CNTNAP2: variants seen among roughly 807,000 people sequenced by gnomAD.
CNTNAP2 encodes the protein contactin-associated protein-like 2.
In CNTNAP2, 98 loss-of-function variants were observed where a neutral mutation model predicts 155.2. The observed-to-expected ratio is 0.63, with a 90% CI of 0.54 to 0.75. The LOEUF is 0.75. Among genes scored for constraint, CNTNAP2 ranks in the 30% least tolerant of loss-of-function variants. CNTNAP2 has a pLI of 0.00. For missense variants in CNTNAP2, 1,727 were observed against 1,688.1 expected, an observed-to-expected ratio of 1.02 and a Z score of -0.40; for synonymous variants, 651 against 631.2, an observed-to-expected ratio of 1.03 and a Z score of -0.47.
intron 8 of CNTNAP2, among the ~76,000 whole-genome samples, chr7:147,158,746 A>G (rs535600032): frequency 6.6e-6 from 1 of 152,134 alleles, no homozygotes; most frequent in African/African-American, 2.4e-5. Flanking sequence ...TTCCCTTCCT[A>G]TATGTGCCAG....
chr7:146,444,392 A>G (rs187976128), intron 1 of CNTNAP2, among the ~76,000 whole-genome samples: 1 of 152,230 alleles, frequency 6.6e-6, no homozygotes, highest in East Asian at 1.9e-4. Flanking sequence ...TAGTGTAAAG[A>G]TTTACTAATA....
intron 9 of CNTNAP2, among the ~76,000 whole-genome samples, chr7:147,383,030 T>C (rs1001398667): frequency 1.3e-5 from 2 of 151,252 alleles, no homozygotes; most frequent in Non-Finnish European, 2.9e-5. Flanking sequence ...AAAAGCAATA[T>C]AGTTTAGGTG....
At chr7:146,454,206 T>C (rs191667924) in intron 1 of CNTNAP2, among the ~76,000 whole-genome samples, 10 of 152,350 alleles carry the variant, frequency 6.6e-5, no homozygotes, top group African/African-American at 2.4e-4. Flanking sequence ...AGATTCATTT[T>C]ATCAAATAAA....
intron 3 of CNTNAP2, among the ~76,000 whole-genome samples, chr7:146,933,465 G>T (rs1298051591): frequency 6.6e-6 from 1 of 151,168 alleles, no homozygotes; most frequent in Non-Finnish European, 1.5e-5. Flanking sequence ...TTAAATGTTA[G>T]ACCTAAAACC....
chr7:146,454,163 C>CAT (rs1402019410), intron 1 of CNTNAP2, among the ~76,000 whole-genome samples: 4 of 152,106 alleles, frequency 2.6e-5, no homozygotes, highest in African/African-American at 7.2e-5. Context: ...AACATAGTGA[C>CAT]ATACACAAAA....
chr7:146,906,839 C>T lies in CNTNAP2; in HGVS notation c.402+66935C>T, dbSNP rs1483193044. 1.5e-4 allele frequency among the ~76,000 whole-genome samples: 23 copies of T among 150,560 alleles called. No homozygotes were observed. The South Asian group carries it at 2.1e-3, about 14-fold the overall frequency. On this transcript the variant is annotated intron_variant, in intron 3 of 23. Transcript: ENST00000361727. The stretch of plus-strand genomic sequence containing the variant: ...CGAGCTGAGAGAAGAAGGCTTCAGA[C>T]GATCAAATTACTCTGAGCTACGGGA...
At chr7:146,619,040 C>T (rs1018263302) in intron 1 of CNTNAP2, among the ~76,000 whole-genome samples, 5 of 150,348 alleles carry the variant, frequency 3.3e-5, no homozygotes, top group African/African-American at 1.2e-4. Context: ...TGACATTGCA[C>T]TCCAGCCTGG....
At chr7:146,201,353 T>TC (rs34178260) in intron 1 of CNTNAP2, among the ~76,000 whole-genome samples, 48,898 of 151,936 alleles carry the variant, frequency 0.32, 9,585 homozygotes, top group African/African-American at 0.55. Context: ...GGACAAAATA[T>TC]TTAAAATACT....
chr7:147,531,300 A>G (rs1404561406), intron 11 of CNTNAP2, among the ~76,000 whole-genome samples: 6 of 151,696 alleles, frequency 4.0e-5, no homozygotes, highest in African/African-American at 1.5e-4. Flanking sequence ...CTGTGTGGGG[A>G]CTCCAACCCC....
chr7:147,712,660 C>T (rs570158232), intron 13 of CNTNAP2, among the ~76,000 whole-genome samples: 113 of 152,184 alleles, frequency 7.4e-4, no homozygotes, highest in Non-Finnish European at 1.1e-3. Context: ...AACCAAACAC[C>T]GCATGTTCTC....
At chr7:148,336,064 A>C (rs4373448) in intron 21 of CNTNAP2, among the ~76,000 whole-genome samples, 77,351 of 151,948 alleles carry the variant, frequency 0.51, 19,908 homozygotes, top group East Asian at 0.66. Flanking sequence ...TGTTTGGTTT[A>C]AGTAACTGCC....
At chr7:146,721,875 G>GTGTGTGTATGTATATATA (rs1332551916) in intron 1 of CNTNAP2, among the ~76,000 whole-genome samples, 1,225 of 76,394 alleles carry the variant, frequency 0.016, 53 homozygotes, top group East Asian at 0.057. Flanking sequence ...GTGTGTGTGT[G>GTGTGTGTATGTATATATA]TATATATATA....
At chr7:147,636,897 GA>G (rs1795190231) in intron 12 of CNTNAP2, among the ~76,000 whole-genome samples, 1 of 152,166 alleles carries the variant, frequency 6.6e-6, no homozygotes, top group Non-Finnish European at 1.5e-5. Context: ...AATAGGAAAG[GA>G]AAGGCTGGCA....
chr7:147,184,405 A>T (rs1050763323), intron 8 of CNTNAP2, among the ~76,000 whole-genome samples: 13 of 152,184 alleles, frequency 8.5e-5, no homozygotes, highest in Non-Finnish European at 1.5e-4. Flanking sequence ...CTCAAAATTG[A>T]GATGAAGTTT....
intron 13 of CNTNAP2, among the ~76,000 whole-genome samples, chr7:147,652,248 T>C (rs1284166146): frequency 1.3e-5 from 2 of 152,178 alleles, no homozygotes; most frequent in Non-Finnish European, 2.9e-5. Context: ...TATAGGACAA[T>C]GAATAATGTT....
At chr7:147,887,081 C>A (rs2116725295) in intron 13 of CNTNAP2, among the ~76,000 whole-genome samples, 1 of 152,258 alleles carries the variant, frequency 6.6e-6, no homozygotes, top group South Asian at 2.1e-4. Context: ...TCACCTTGAC[C>A]ATGCCTCTCC....
intron 1 of CNTNAP2, among the ~76,000 whole-genome samples, chr7:146,466,265 G>A (rs573450862): frequency 6.6e-6 from 1 of 152,174 alleles, no homozygotes; most frequent in African/African-American, 2.4e-5. Context: ...TGAGAGGTGA[G>A]AATTCTGACT....
chr7:147,078,699 CTCTA>C (rs1235521031), intron 4 of CNTNAP2, among the ~76,000 whole-genome samples: 3 of 151,962 alleles, frequency 2.0e-5, no homozygotes, highest in Admixed American at 6.6e-5. Context: ...AAAAAAAACT[CTCTA>C]TCTAGTCTAA....
chr7:147,757,194 G>A (rs1797224018), intron 13 of CNTNAP2, among the ~76,000 whole-genome samples: 1 of 152,210 alleles, frequency 6.6e-6, no homozygotes, highest in South Asian at 2.1e-4. Context: ...CTTTGGGACA[G>A]TCAGGCACCA....
Sources: gnomAD v4.1 joint callset for allele counts (sites outside exome capture counted in the v4.1 genomes callset) on GRCh38, gnomAD v4.1.1 for gene constraint, MANE v1.5 for transcripts, NCBI Gene and HGNC (gene_info 2026-07-23, HGNC 2026-07-21) for gene names.